Variants in PLA2G4A observed in about 807,000 individuals in gnomAD.
PLA2G4A encodes cytosolic phospholipase A2.
In PLA2G4A, 40 loss-of-function variants were observed where a neutral mutation model predicts 81.9. The ratio of observed to expected loss-of-function variants is 0.49; its 90% confidence interval spans 0.38 to 0.64. PLA2G4A has a LOEUF of 0.64. Ranked by LOEUF, PLA2G4A falls within the 30% of genes least tolerant of loss-of-function variation. The pLI is 0.00. For missense variants in PLA2G4A, 715 were observed against 905.1 expected, an observed-to-expected ratio of 0.79 and a Z score of 2.69; for synonymous variants, 302 against 296.9, an observed-to-expected ratio of 1.02 and a Z score of -0.18.
chr1:186,980,181 C>T (rs1379332108), intron 17 of PLA2G4A, among the ~76,000 whole-genome samples: 2 of 152,192 alleles, frequency 1.3e-5, no homozygotes, highest in East Asian at 1.9e-4. Flanking sequence ...CCTCGTTACC[C>T]GCCCGCCTCG....
intron 2 of PLA2G4A, among the ~76,000 whole-genome samples, chr1:186,863,256 G>A (rs1473146242): frequency 2.6e-5 from 4 of 152,118 alleles, no homozygotes; most frequent in Non-Finnish European, 4.4e-5. Context: ...TTAGAACCAA[G>A]CTATTAACAT....
chr1:186,837,311 G>A (rs1420042037), intron 1 of PLA2G4A, among the ~76,000 whole-genome samples: 1 of 152,104 alleles, frequency 6.6e-6, no homozygotes. Flanking sequence ...TACAGGGTAA[G>A]CAAATAACCC....
chr1:186,968,772 A>G (rs1057063458), intron 15 of PLA2G4A, among the ~76,000 whole-genome samples: 2 of 151,708 alleles, frequency 1.3e-5, no homozygotes, highest in Non-Finnish European at 3.0e-5. Flanking sequence ...TCATTTTATG[A>G]CTTCTAGTAA....
At chr1:186,912,177 G>A (rs1304003531) in intron 7 of PLA2G4A, among the ~76,000 whole-genome samples, 1 of 152,120 alleles carries the variant, frequency 6.6e-6, no homozygotes, top group African/African-American at 2.4e-5. Flanking sequence ...CAGAAAGAAT[G>A]TTTTTCTAGT....
chr1:186,889,379 A>G (rs1208503961), intron 3 of PLA2G4A, among the ~76,000 whole-genome samples: 1 of 152,166 alleles, frequency 6.6e-6, no homozygotes, highest in East Asian at 1.9e-4. Context: ...GTCTTCGGGG[A>G]TGAAGGTCGG....
intron 3 of PLA2G4A, among the ~76,000 whole-genome samples, chr1:186,892,092 T>C (rs143399772): frequency 6.6e-6 from 1 of 152,338 alleles, no homozygotes; most frequent in Admixed American, 6.5e-5. Flanking sequence ...ATGTCTTCTT[T>C]TGAGAAATGT....
intron 1 of PLA2G4A, among the ~76,000 whole-genome samples, chr1:186,848,214 C>T (rs1023179090): frequency 1.9e-4 from 29 of 152,110 alleles, no homozygotes; most frequent in Admixed American, 1.6e-3. Flanking sequence ...CCACAAAAAG[C>T]ATCTATGAAA....
At chr1:186,850,452 T>A (rs1048843589) in intron 1 of PLA2G4A, among the ~76,000 whole-genome samples, 1 of 152,126 alleles carries the variant, frequency 6.6e-6, no homozygotes, top group African/African-American at 2.4e-5. Flanking sequence ...CATGCATGCA[T>A]GAAAAATCAG....
intron 2 of PLA2G4A, among the ~76,000 whole-genome samples, chr1:186,868,255 T>C (rs550530717): frequency 6.6e-6 from 1 of 152,086 alleles, no homozygotes; most frequent in East Asian, 1.9e-4. Flanking sequence ...TTTTTGTATT[T>C]TTAGTAGAGA....
At chr1:186,933,745 G>T (rs149912513) in intron 8 of PLA2G4A, among the ~76,000 whole-genome samples, 1 of 152,120 alleles carries the variant, frequency 6.6e-6, no homozygotes, top group Non-Finnish European at 1.5e-5. Flanking sequence ...TATCTTGTGA[G>T]ATGGGTATGA....
At chr1:186,835,649 C>T (rs1017523376) in intron 1 of PLA2G4A, among the ~76,000 whole-genome samples, 4 of 152,118 alleles carry the variant, frequency 2.6e-5, no homozygotes, top group East Asian at 3.8e-4. Context: ...AATTTGCTGA[C>T]GTCATGAACT....
Position 186,840,765 on chromosome 1 carries a change from A to G in PLA2G4A, c.-70+11730A>G, listed in dbSNP as rs569032847. On this transcript the variant is annotated intron_variant, in intron 1 of 17. Transcript: ENST00000367466. ...TGGTTTTCCTGAGTGTTTTCCCTGA[A>G]CTGTTTACCTTAGAAAAAAGATATG... 1.7e-3 allele frequency among the ~76,000 whole-genome samples: 258 copies of G among 152,234 alleles called. 2 individuals carry two copies. The highest frequency in any genetic ancestry group is 4.1e-3 in the Admixed American group (62 of 15,288).
intron 16 of PLA2G4A, among the ~76,000 whole-genome samples, chr1:186,978,389 A>G (rs1255645222): frequency 1.3e-5 from 2 of 152,196 alleles, no homozygotes; most frequent in Non-Finnish European, 2.9e-5. Context: ...TCCAAAAACC[A>G]TATTTTAGGA....
At chr1:186,876,407 C>T (rs1653503193) in intron 3 of PLA2G4A, among the ~76,000 whole-genome samples, 3 of 151,984 alleles carry the variant, frequency 2.0e-5, no homozygotes, top group Admixed American at 2.0e-4. Flanking sequence ...CATGAAATCT[C>T]CCCTTATATG....
Position 186,840,506 on chromosome 1 carries a change from A to G in PLA2G4A, c.-70+11471A>G, listed in dbSNP as rs149110525. Among the ~76,000 whole-genome samples, 701 of 152,266 alleles carry G rather than the reference A, an allele frequency of 4.6e-3. 1 individual carries two copies. The highest frequency in any genetic ancestry group is 0.016 in the African/African-American group (651 of 41,558). The stretch of plus-strand genomic sequence containing the variant: ...TATTTAGTGGCCGAACTTTACAGTA[A>G]CACCTGGAAGCAGGTGTACACCCTT... On this transcript the variant is annotated intron_variant, in intron 1 of 17. Transcript: ENST00000367466.
At position 186,837,731 on chromosome 1, in the gene PLA2G4A, C is replaced by T. The variant is rs558414459; in HGVS notation, c.-70+8696C>T. On this transcript the variant is annotated intron_variant, in intron 1 of 17. Coordinates refer to ENST00000367466, the MANE Select transcript of PLA2G4A (RefSeq NM_024420.3). Reference sequence around the variant, plus strand: ...CAGCCTGGGCGACAGAGAGAGACTCCGTCTCAAAAAAAAAAAAAAAAGAAA... The same window carrying T: ...CAGCCTGGGCGACAGAGAGAGACTCTGTCTCAAAAAAAAAAAAAAAAGAAA... Among the ~76,000 whole-genome samples the T allele has an allele frequency of 6.2e-4, 30 of 48,268 alleles. No homozygotes were observed. The South Asian group carries it at 0.013, about 21-fold the overall frequency. The allele number at this position is 48,268 out of a possible 152,430, so 31.7% of individuals were successfully genotyped here.
intron 6 of PLA2G4A, among the ~76,000 whole-genome samples, chr1:186,907,781 C>T (rs981483946): frequency 3.3e-5 from 5 of 152,208 alleles, no homozygotes; most frequent in African/African-American, 4.8e-5. Context: ...ATTTTGATCC[C>T]TGGAACATGT....
At chr1:186,900,030 A>G (rs898315933) in intron 5 of PLA2G4A, among the ~76,000 whole-genome samples, 2 of 152,096 alleles carry the variant, frequency 1.3e-5, no homozygotes, top group African/African-American at 4.8e-5. Context: ...TTTTTGGAGG[A>G]GAAAGACAAT....
chr1:186,945,546 A>G (rs1656309486), intron 10 of PLA2G4A, among the ~76,000 whole-genome samples: 1 of 152,172 alleles, frequency 6.6e-6, no homozygotes, highest in Non-Finnish European at 1.5e-5. Context: ...AATTTGTATC[A>G]GTACGATCAC....
Sources: allele counts gnomAD v4.1 joint callset (sites outside exome capture counted in the v4.1 genomes callset), GRCh38; gene constraint gnomAD v4.1.1; transcripts MANE v1.5; gene names NCBI Gene and HGNC (gene_info 2026-07-23, HGNC 2026-07-21).